Variants in TMEM276 observed in about 807,000 individuals in gnomAD.
TMEM276 encodes transmembrane protein 276.
chr8:144,464,077 G>A, the TMEM276 span: 3 of 1,567,536 alleles, frequency 1.9e-6, no homozygotes, highest in Non-Finnish European at 2.6e-6. Flanking sequence ...AGGCAGGTGG[G>A]AGGGAAAGTG....
the TMEM276 span, chr8:144,466,241 G>A: frequency 2.1e-5 from 4 of 194,178 alleles, no homozygotes; most frequent in Admixed American, 1.2e-4. Context: ...CTCCAGGTGC[G>A]GCCGCGGGCA....
At chr8:144,465,444 G>T in the TMEM276 span, 9 of 1,003,838 alleles carry the variant, frequency 9.0e-6, no homozygotes, top group Admixed American at 5.9e-5. Context: ...CCTCTGCCGT[G>T]CCCCCAGTTG....
the TMEM276 span, chr8:144,464,427 G>C: frequency 1.2e-6 from 2 of 1,612,276 alleles, no homozygotes; most frequent in South Asian, 2.2e-5. Context: ...CTCCTCCCAG[G>C]AGCAGGTTGG....
the TMEM276 span, chr8:144,466,462 C>A: frequency 7.3e-7 from 1 of 1,362,188 alleles, no homozygotes; most frequent in South Asian, 1.7e-5. Flanking sequence ...CTTCTACAGC[C>A]TCTTCCGCAG....
the TMEM276 span, chr8:144,465,304 A>T: frequency 8.9e-7 from 1 of 1,120,686 alleles, no homozygotes; most frequent in Non-Finnish European, 1.1e-6. Flanking sequence ...ACCCGGGTCC[A>T]GGAGGAGCGA....
At chr8:144,464,704 G>C in the TMEM276 span, 1 of 1,576,578 alleles carries the variant, frequency 6.3e-7, no homozygotes, top group African/African-American at 1.4e-5. Flanking sequence ...ATGGAGACCT[G>C]GTCTTAGACG....
chr8:144,465,316 G>A, the TMEM276 span: 6 of 1,090,442 alleles, frequency 5.5e-6, no homozygotes, highest in Non-Finnish European at 6.8e-6. Flanking sequence ...GAGGAGCGAC[G>A]GCGCAGGACT....
At chr8:144,464,196 G>C in the TMEM276 span, 1 of 1,613,168 alleles carries the variant, frequency 6.2e-7, no homozygotes, top group Non-Finnish European at 8.5e-7. Flanking sequence ...CCAAGGCCCA[G>C]CGACAGACAT....
At chr8:144,463,890 G>T in the TMEM276 span, 1 of 1,400,166 alleles carries the variant, frequency 7.1e-7, no homozygotes, top group Non-Finnish European at 9.2e-7. Flanking sequence ...ACCGTGTCCA[G>T]CCCAGAATCA....
the TMEM276 span, chr8:144,466,595 G>A: frequency 1.1e-6 from 1 of 906,534 alleles, no homozygotes. Context: ...CGGGGCGGGG[G>A]CGGGCACGGG....
the TMEM276 span, chr8:144,466,265 C>T: frequency 4.8e-6 from 1 of 208,022 alleles, no homozygotes; most frequent in Non-Finnish European, 9.4e-6. Context: ...GTTTCTAGTA[C>T]CCCCGTCCCC....
the TMEM276 span, chr8:144,464,700 A>G: frequency 1.3e-6 from 2 of 1,577,668 alleles, no homozygotes; most frequent in Non-Finnish European, 1.7e-6. Context: ...TTCCATGGAG[A>G]CCTGGTCTTA....
At chr8:144,466,703 A>G in the TMEM276 span, 1 of 1,371,550 alleles carries the variant, frequency 7.3e-7, no homozygotes, top group Non-Finnish European at 9.7e-7. Context: ...TCGCGGAGGG[A>G]AGGGGCCAGC....
At chr8:144,464,833 CAG>C in the TMEM276 span, 33 of 1,612,720 alleles carry the variant, frequency 2.0e-5, no homozygotes, top group Non-Finnish European at 2.5e-5. Flanking sequence ...CGGCTGCGTG[CAG>C]AGACACCACT....
At chr8:144,464,328 G>A in the TMEM276 span, 2 of 1,612,542 alleles carry the variant, frequency 1.2e-6, no homozygotes, top group Non-Finnish European at 1.7e-6. Context: ...CAATGAGGAT[G>A]GTCACTGCGA....
At chr8:144,465,199 A>T in the TMEM276 span, 2 of 1,283,046 alleles carry the variant, frequency 1.6e-6, no homozygotes, top group South Asian at 1.5e-5. Context: ...CCCAAGTGGG[A>T]GTGCGGGCCT....
the TMEM276 span, chr8:144,463,981 C>T: frequency 6.6e-7 from 1 of 1,510,282 alleles, no homozygotes; most frequent in Non-Finnish European, 8.8e-7. Context: ...GGACAGCACC[C>T]AGACTCTGCC....
At chr8:144,464,093 C>T in the TMEM276 span, 1 of 1,580,988 alleles carries the variant, frequency 6.3e-7, no homozygotes, top group Non-Finnish European at 8.6e-7. Flanking sequence ...AAGTGTTCGG[C>T]AGGGCAGAAA....
chr8:144,466,713 C>A, the TMEM276 span: 4 of 1,428,056 alleles, frequency 2.8e-6, no homozygotes, highest in Non-Finnish European at 2.8e-6. Flanking sequence ...AAGGGGCCAG[C>A]AGGCTGCCTG....
Sources: gnomAD v4.1 joint callset for allele counts on GRCh38, gnomAD v4.1.1 for gene constraint, MANE v1.5 for transcripts, NCBI Gene and HGNC (gene_info 2026-07-23, HGNC 2026-07-21) for gene names.